Variants in ITGA2 observed in about 807,000 individuals in gnomAD.
ITGA2 encodes the protein integrin subunit alpha 2.
A neutral mutation model predicts 146.3 loss-of-function variants in ITGA2; 101 were observed. The ratio of observed to expected loss-of-function variants is 0.69; its 90% CI spans 0.59 to 0.81. ITGA2 has a LOEUF of 0.81. Ranked by LOEUF, ITGA2 falls within the 40% of genes least tolerant of loss-of-function variation. The probability of loss-of-function intolerance (pLI) is 0.00; values close to 1 mark genes in which losing one functional copy is unlikely to be tolerated. For missense variants in ITGA2, 1,281 were observed against 1,402.7 expected, an observed-to-expected ratio of 0.91 and a Z score of 1.39; for synonymous variants, 477 against 487.1, an observed-to-expected ratio of 0.98 and a Z score of 0.27.
intron 1 of ITGA2, among the ~76,000 whole-genome samples, chr5:53,015,672 A>G (rs1428426183): frequency 5.9e-5 from 9 of 152,138 alleles, no homozygotes. Context: ...TGATCTGTCT[A>G]ATACTGTCAG....
At chr5:53,009,203 G>A (rs1401852626) in intron 1 of ITGA2, among the ~76,000 whole-genome samples, 1 of 152,042 alleles carries the variant, frequency 6.6e-6, no homozygotes, top group African/African-American at 2.4e-5. Flanking sequence ...TAGTAGTCAG[G>A]GCCTTGCATT....
chr5:53,091,098 T>A lies in ITGA2; in HGVS notation c.*499T>A. On this transcript the variant is annotated 3_prime_UTR_variant, in exon 30 of 30. Transcript: ENST00000296585. ...ACAAGAGGGGAAAACAAAACACAGG[T>A]TTTTTCAATTTATGCTGCTCATCCA... 4.8e-6 allele frequency: 1 copy of A among 207,166 alleles called. No homozygotes were observed. Among genetic ancestry groups the A allele is most frequent in the Non-Finnish European group, 9.6e-6 (1 of 103,782 alleles). The allele number at this position is 207,166 out of a possible 1,614,324, so 12.8% of individuals were successfully genotyped here.
At chr5:53,061,101 G>C in intron 12 of ITGA2, 55 bp downstream of exon 12, 1 of 1,574,216 alleles carries the variant, frequency 6.4e-7, no homozygotes, top group South Asian at 1.1e-5. Context: ...TGGGCAGGTG[G>C]GGAGTCAGGT....
At chr5:53,002,263 A>C (rs1472466574) in intron 1 of ITGA2, among the ~76,000 whole-genome samples, 1 of 151,978 alleles carries the variant, frequency 6.6e-6, no homozygotes, top group Non-Finnish European at 1.5e-5. Flanking sequence ...TGTATTAATT[A>C]CTCCCTTTTC....
chr5:53,055,909 A>C (rs536350815), intron 8 of ITGA2, 75 bp from the exon 9 acceptor site: 8 of 1,433,046 alleles, frequency 5.6e-6, no homozygotes, highest in Admixed American at 5.3e-5. Flanking sequence ...TATTGTGTTC[A>C]AAATAGGCTA....
In ITGA2 at chr5:53,055,975, A is replaced by G. The variant is rs372589985; in HGVS notation, c.931-9A>G. ...TAATGACTGCACATTCTCTTCCTCTATTTTCAAGGTTCTTGGGTACTTAAA... is the reference window on the plus strand; with the variant it reads ...TAATGACTGCACATTCTCTTCCTCTGTTTTCAAGGTTCTTGGGTACTTAAA... On this transcript the variant is annotated splice_polypyrimidine_tract_variant and intron_variant, in intron 8 of 29. Transcript: ENST00000296585. 7 of 1,607,660 alleles carry G rather than the reference A, an allele frequency of 4.4e-6. No homozygotes were observed. The highest frequency in any genetic ancestry group is 1.3e-5 in the African/African-American group (1 of 74,718).
In ITGA2 at chr5:53,067,275, A is replaced by G; in HGVS notation, c.2083+18A>G. On this transcript the variant is annotated intron_variant, in intron 16 of 29. Transcript: ENST00000296585. ...TCAAGTGGGTGCGTAGATCTGAAAT[A>G]ATCTGTATAGAAATTGGTTGGCTTA... 6.2e-7 allele frequency: 1 copy of G among 1,610,870 alleles called. No individual in the cohort carries two copies. The highest frequency in any genetic ancestry group is 8.5e-7 in the Non-Finnish European group (1 of 1,178,234).
intron 9 of ITGA2, 64 bp from the exon 10 acceptor site, chr5:53,057,961 T>G: frequency 3.3e-6 from 4 of 1,206,084 alleles, no homozygotes; most frequent in Non-Finnish European, 4.9e-6. Flanking sequence ...CGTGCCTGCT[T>G]GTGTTTGAAA....
rs537339622 is a variant in ITGA2 at position 53,069,667 on chromosome 5, A to G, written c.2084-442A>G. Among the ~76,000 whole-genome samples, 3 of 152,082 alleles carry G rather than the reference A, an allele frequency of 2.0e-5. No homozygotes were observed. The South Asian group carries it at 6.2e-4, about 31-fold the overall frequency. ...AGTACATTATTTGAAAAATAAGATA[A>G]TAAAATTCACTTTCCAGATTCATTG... On this transcript the variant is annotated intron_variant, in intron 16 of 29. Transcript: ENST00000296585.
At chr5:52,998,572 C>T (rs1360953953) in intron 1 of ITGA2, among the ~76,000 whole-genome samples, 1 of 152,176 alleles carries the variant, frequency 6.6e-6, no homozygotes, top group Non-Finnish European at 1.5e-5. Context: ...CCATTCTGTG[C>T]ATCGTTTAAA....
intron 17 of ITGA2, among the ~76,000 whole-genome samples, chr5:53,070,708 ATTTG>A (rs1300396961): frequency 6.6e-6 from 1 of 151,874 alleles, no homozygotes; most frequent in East Asian, 1.9e-4. Context: ...GATAACAATT[ATTTG>A]TTCTAATCGT....
At chr5:53,086,409 G>A (rs1240169235) in intron 27 of ITGA2, among the ~76,000 whole-genome samples, 1 of 152,188 alleles carries the variant, frequency 6.6e-6, no homozygotes, top group Non-Finnish European at 1.5e-5. Flanking sequence ...AGGGCCATGG[G>A]TGGTCAAGTT....
chr5:52,999,580 A>G (rs1158564284), intron 1 of ITGA2, among the ~76,000 whole-genome samples: 1 of 152,162 alleles, frequency 6.6e-6, no homozygotes, highest in Non-Finnish European at 1.5e-5. Context: ...GAGGGGCAAC[A>G]CAGAGGGCCC....
Position 53,056,143 on chromosome 5 carries a change from A to G in ITGA2, c.1090A>G (p.Ile364Val). The G allele has an allele frequency of 6.2e-7, 1 of 1,611,128 alleles. No individual in the cohort carries two copies. The highest frequency in any genetic ancestry group is 8.5e-7 in the Non-Finnish European group (1 of 1,178,372). ...GACATTAGGAGAACAAATTTTCAGC[A>G]TTGAAGGTAAAAAAAATAACCTCCT... The part of the protein sequence containing the change: ...AGTLGEQIFS[I>V]EGTVQGGDNF... The change falls in exon 9 of 30, where the codon ATT becomes GTT. Residue 364 changes from isoleucine (I) to valine (V), a missense_variant. Physicochemically the swap from Ile to Val is conservative, Grantham distance 29 (BLOSUM62 3). Coordinates refer to ENST00000296585, the MANE Select transcript of ITGA2 (RefSeq NM_002203.4).
intron 25 of ITGA2, 122 bp downstream of exon 25, chr5:53,080,743 G>A (rs1382583012): frequency 2.7e-6 from 2 of 746,756 alleles, no homozygotes; most frequent in East Asian, 5.1e-5. Context: ...ATGCAGCCTG[G>A]GTGCCAACTG....
chr5:52,989,426 TCTGCAAACCC>T lies in ITGA2; in HGVS notation c.-42_-33del. On this transcript the variant is annotated 5_prime_UTR_variant, in exon 1 of 30. Transcript: ENST00000296585. Reference sequence around the variant, plus strand: ...CGGCCAAGGGTATCCTCTGCAAACCTCTGCAAACCCAGCGCAACTACGGTCCCCCGGTCAG... The same window carrying T: ...CGGCCAAGGGTATCCTCTGCAAACCTAGCGCAACTACGGTCCCCCGGTCAG... The T allele has an allele frequency of 6.2e-7, 1 of 1,608,990 alleles. No individual in the cohort carries two copies. Among genetic ancestry groups the T allele is most frequent in the Non-Finnish European group, 8.5e-7 (1 of 1,175,396 alleles).
chr5:53,061,733 C>G (rs1744912230), intron 12 of ITGA2, among the ~76,000 whole-genome samples: 1 of 151,882 alleles, frequency 6.6e-6, no homozygotes, highest in South Asian at 2.1e-4. Context: ...GGGCTTGACA[C>G]ACATTTAAAA....
chr5:52,996,065 G>A (rs542746674), intron 1 of ITGA2, among the ~76,000 whole-genome samples: 8 of 152,106 alleles, frequency 5.3e-5, no homozygotes, highest in African/African-American at 1.4e-4. Flanking sequence ...AGAACAGAGC[G>A]GCCAGAGGAG....
intron 1 of ITGA2, among the ~76,000 whole-genome samples, chr5:53,010,329 G>A (rs1188005599): frequency 6.6e-6 from 1 of 152,200 alleles, no homozygotes; most frequent in African/African-American, 2.4e-5. Flanking sequence ...CCAGAGAACA[G>A]AGGCTCGAAC....
Sources: gnomAD v4.1 joint callset for allele counts (sites outside exome capture counted in the v4.1 genomes callset) on GRCh38, gnomAD v4.1.1 for gene constraint, MANE v1.5 for transcripts, NCBI Gene and HGNC (gene_info 2026-07-23, HGNC 2026-07-21) for gene names.